TBC1D1: variants seen among roughly 807,000 people sequenced by gnomAD.
The protein encoded by TBC1D1 is TBC1 domain family member 1.
Under a neutral mutation model 125.6 loss-of-function variants are expected in TBC1D1, and 89 were observed. The ratio of observed to expected loss-of-function variants is 0.71; its 90% confidence interval spans 0.60 to 0.85. The LOEUF (loss-of-function observed/expected upper bound fraction) is 0.85. TBC1D1 is among the 40% of genes least tolerant of loss of function. The probability of loss-of-function intolerance (pLI) is 0.00; values close to 1 mark genes in which losing one functional copy is unlikely to be tolerated. For synonymous variants in TBC1D1, 565 were observed against 564.1 expected, an observed-to-expected ratio of 1.00 and a Z score of -0.02; for missense variants, 1,377 against 1,469.2, an observed-to-expected ratio of 0.94 and a Z score of 1.03.
chr4:38,118,397 A>G (rs576464837), intron 17 of TBC1D1: 16 of 576,350 alleles, frequency 2.8e-5, no homozygotes, highest in African/African-American at 1.9e-4. Flanking sequence ...GCTTCCCTAG[A>G]TGCCTTCATC....
intron 2 of TBC1D1, among the ~76,000 whole-genome samples, chr4:37,980,163 A>G (rs904465347): frequency 3.3e-5 from 5 of 152,372 alleles, no homozygotes; most frequent in Admixed American, 2.6e-4. Context: ...TGATGTAGGA[A>G]TAAAGCCAAA....
chr4:37,976,778 A>G (rs969240268), intron 2 of TBC1D1, among the ~76,000 whole-genome samples: 1 of 152,240 alleles, frequency 6.6e-6, no homozygotes, highest in Non-Finnish European at 1.5e-5. Flanking sequence ...GGTGAAATCA[A>G]CATTTCTCAA....
chr4:38,011,129 A>AGT, intron 2 of TBC1D1, among the ~76,000 whole-genome samples: 1 of 152,174 alleles, frequency 6.6e-6, no homozygotes, highest in African/African-American at 2.4e-5. Flanking sequence ...AGGCGGGTGG[A>AGT]TCACTTGAGG....
chr4:37,942,214 G>T (rs1725708372), intron 2 of TBC1D1, among the ~76,000 whole-genome samples: 1 of 152,150 alleles, frequency 6.6e-6, no homozygotes, highest in African/African-American at 2.4e-5. Context: ...CTCCTGTATT[G>T]GCTGCATATA....
At chr4:37,987,335 A>G in intron 2 of TBC1D1, among the ~76,000 whole-genome samples, 1 of 152,006 alleles carries the variant, frequency 6.6e-6, no homozygotes, top group East Asian at 1.9e-4. Flanking sequence ...ACTGAAATTC[A>G]GAAAGGCTAG....
intron 12 of TBC1D1, among the ~76,000 whole-genome samples, chr4:38,068,630 G>T (rs1290181992): frequency 6.6e-6 from 1 of 152,068 alleles, no homozygotes; most frequent in African/African-American, 2.4e-5. Flanking sequence ...GTAACCAACA[G>T]CCACATATCA....
intron 15 of TBC1D1, among the ~76,000 whole-genome samples, chr4:38,111,350 G>A (rs1762170647): frequency 2.0e-5 from 3 of 152,202 alleles, no homozygotes; most frequent in South Asian, 2.1e-4. Context: ...GAAAATTATC[G>A]AGTAGCCCAA....
rs1384696664 is a variant in TBC1D1, at chr4:37,977,207, G to A, written c.418-37302G>A. Reference sequence around the variant, plus strand: ...ACTTCCCGCCAGCAGCGGAGCGCGGGGGTGGGCGGGGTCGGCTGCGCGCCC... The same window carrying A: ...ACTTCCCGCCAGCAGCGGAGCGCGGAGGTGGGCGGGGTCGGCTGCGCGCCC... On this transcript the variant is annotated intron_variant, in intron 2 of 19. Coordinates refer to ENST00000261439, the MANE Select transcript of TBC1D1 (RefSeq NM_015173.4). The surrounding 1 kb of genome is among the most constrained non-coding windows in gnomAD (Gnocchi z 4.3). The A allele has an allele frequency of 1.3e-5, 2 of 152,028 alleles. No individual in the cohort carries two copies. Among genetic ancestry groups the A allele is most frequent in the African/African-American group, 4.8e-5 (2 of 41,386 alleles). 9.4% of individuals were successfully genotyped at this position (152,028 alleles called of 1,614,324 possible). A position where few individuals can be genotyped will look rare whatever the true frequency, so the allele number is the denominator to read the frequency against.
Position 37,943,727 on chromosome 4 carries a change from G to A in TBC1D1, c.417+41215G>A, listed in dbSNP as rs538015740. Among the ~76,000 whole-genome samples, 59 of 152,254 alleles carry A rather than the reference G, an allele frequency of 3.9e-4. 1 individual carries two copies. The highest frequency in any genetic ancestry group is 1.4e-3 in the African/African-American group (58 of 41,564). On this transcript the variant is annotated intron_variant, in intron 2 of 19. Transcript: ENST00000261439. ...TTCTCTACACTGGTTATTCTAGTTA[G>A]CCATTCATCTAATCTTTTTTCAAGG...
chr4:38,112,310 A>G (rs1010198661), intron 15 of TBC1D1, among the ~76,000 whole-genome samples: 1 of 152,240 alleles, frequency 6.6e-6, no homozygotes, highest in African/African-American at 2.4e-5. Context: ...GTGCAGTGTT[A>G]TAGTTAATAG....
chr4:38,047,257 C>T (rs35266215), intron 10 of TBC1D1, among the ~76,000 whole-genome samples: 19,798 of 152,126 alleles, frequency 0.13, 1,708 homozygotes, highest in East Asian at 0.35. Flanking sequence ...CTCCGCCTCC[C>T]GGGTTCAGGC....
At chr4:37,966,114 C>T (rs1560541991) in intron 2 of TBC1D1, among the ~76,000 whole-genome samples, 1 of 152,054 alleles carries the variant, frequency 6.6e-6, no homozygotes, top group African/African-American at 2.4e-5. Flanking sequence ...CCTTGGAGAT[C>T]GTGGGCCTAA....
chr4:38,120,551 C>T (rs1272481880), intron 17 of TBC1D1, among the ~76,000 whole-genome samples: 1 of 152,130 alleles, frequency 6.6e-6, no homozygotes, highest in Non-Finnish European at 1.5e-5. Context: ...ACATGTAGAA[C>T]TTTGTTGACT....
intron 11 of TBC1D1, 130 bp downstream of exon 11, chr4:38,050,028 C>A: frequency 9.4e-7 from 1 of 1,060,918 alleles, no homozygotes; most frequent in Non-Finnish European, 1.3e-6. Context: ...GGAGATAAAA[C>A]TGGAAGCAGT....
chr4:38,075,901 G>T (rs1363187423), intron 12 of TBC1D1, among the ~76,000 whole-genome samples: 1 of 151,568 alleles, frequency 6.6e-6, no homozygotes, highest in African/African-American at 2.4e-5. Context: ...TTCTCTTTTT[G>T]TTTTTTTTCC....
intron 12 of TBC1D1, among the ~76,000 whole-genome samples, chr4:38,065,216 G>A (rs62300015): frequency 6.6e-6 from 1 of 152,176 alleles, no homozygotes; most frequent in Admixed American, 6.5e-5. Flanking sequence ...CCCAAGTGCT[G>A]GGATTATAGG....
Position 37,952,024 on chromosome 4 carries a change from G to A in TBC1D1, c.417+49512G>A, listed in dbSNP as rs779052132. On this transcript the variant is annotated intron_variant, in intron 2 of 19. Coordinates refer to ENST00000261439, the MANE Select transcript of TBC1D1 (RefSeq NM_015173.4). ...ATTACAGTGCTCATCATCACTGTAG[G>A]GGACCTTTGAAAGAGCTGCCGGAGA... The A allele has an allele frequency of 4.2e-6, 3 of 717,698 alleles. No homozygotes were observed. The South Asian group carries it at 4.4e-5, about 11-fold the overall frequency. 44.5% of individuals were successfully genotyped at this position (717,698 alleles called of 1,614,324 possible).
intron 13 of TBC1D1, among the ~76,000 whole-genome samples, chr4:38,092,366 A>C (rs532944670): frequency 4.6e-5 from 7 of 152,316 alleles, no homozygotes; most frequent in Non-Finnish European, 4.4e-5. Context: ...ATAAAGACCC[A>C]AGACACTTCT....
At position 38,014,425 on chromosome 4, in the gene TBC1D1, C is replaced by T. The variant is rs546073307; in HGVS notation, c.418-84C>T. ...CTCCGCAGTGGAGTAGCCAGCGGGG[C>T]GTCCCGAAAGAGCATGGTGCATTCA... On this transcript the variant is annotated intron_variant, in intron 2 of 19. Transcript: ENST00000261439. This position sits in a 1 kb window ranked among gnomAD's most constrained non-coding sequence, Gnocchi z 5.1. 5 of 1,368,252 alleles carry T rather than the reference C, an allele frequency of 3.7e-6. No individual in the cohort carries two copies. Among genetic ancestry groups the T allele is most frequent in the African/African-American group, 2.8e-5 (2 of 70,594 alleles). 84.8% of individuals were successfully genotyped at this position (1,368,252 alleles called of 1,614,324 possible).
Sources: gnomAD v4.1 joint callset for allele counts (sites outside exome capture counted in the v4.1 genomes callset) on GRCh38, gnomAD v4.1.1 for gene constraint, Gnocchi (gnomAD v3.1) non-coding constraint, MANE v1.5 for transcripts, NCBI Gene and HGNC (gene_info 2026-07-23, HGNC 2026-07-21) for gene names.